The following CLUAP1 variants were observed in gnomAD, a reference collection of about 807,000 sequenced individuals.
The protein encoded by CLUAP1 is clusterin-associated protein 1.
In CLUAP1, 50 loss-of-function variants were observed where a neutral mutation model predicts 55.0. The ratio of observed to expected loss-of-function variants is 0.91; its 90% CI spans 0.72 to 1.15. CLUAP1 has a LOEUF of 1.15. CLUAP1 is among the 50% of genes most tolerant of loss of function. The pLI, the probability that CLUAP1 is intolerant of heterozygous loss-of-function variation, is 0.00. For missense variants in CLUAP1, 530 were observed against 507.6 expected (o/e 1.04, Z -0.42); for synonymous variants, 195 against 175.4 (o/e 1.11, Z -0.88).
intron 11 of CLUAP1, chr16:3,534,282 C>G (rs74866280): frequency 0.032 from 4,896 of 152,794 alleles, 245 homozygotes; most frequent in African/African-American, 0.11. Flanking sequence ...TCAGTGAAGG[C>G]CCCTGACGTG....
At chr16:3,532,656 C>T (rs948515832) in intron 10 of CLUAP1, 130 bp from the exon 11 acceptor site, 3 of 895,840 alleles carry the variant, frequency 3.3e-6, no homozygotes, top group Middle Eastern at 2.2e-4. Flanking sequence ...GGCCTCCTGT[C>T]TCAGCCTCCC....
upstream of CLUAP1, among the ~76,000 whole-genome samples, chr16:3,499,345 CAAA>C (rs376996575): frequency 2.0e-5 from 3 of 148,914 alleles, no homozygotes; most frequent in African/African-American, 7.4e-5. Flanking sequence ...GAGTCCATCT[CAAA>C]AAAAAAAGTT....
At chr16:3,509,703 C>A (rs938273962) in intron 4 of CLUAP1, among the ~76,000 whole-genome samples, 2 of 152,238 alleles carry the variant, frequency 1.3e-5, no homozygotes, top group Non-Finnish European at 2.9e-5. Context: ...GTACGTGAAA[C>A]CACAGTGCAC....
intron 7 of CLUAP1, among the ~76,000 whole-genome samples, chr16:3,521,852 C>T (rs563389886): frequency 1.3e-5 from 2 of 151,608 alleles, no homozygotes; most frequent in Admixed American, 1.3e-4. Flanking sequence ...CTCAGGGGTT[C>T]AAGACCAGCC....
At position 3,538,571 on chromosome 16, in the gene CLUAP1, C is replaced by G. The variant is rs1351098250; in HGVS notation, c.*2300C>G. On this transcript the variant is annotated 3_prime_UTR_variant, in exon 12 of 12. Coordinates refer to ENST00000576634, the MANE Select transcript of CLUAP1 (RefSeq NM_015041.3). The stretch of plus-strand genomic sequence containing the variant: ...TATTTTCCTTATGTGATGCTTTCTT[C>G]TAACACACTTTAACACAGAAGCCTA... 2 of 152,204 alleles carry G rather than the reference C, an allele frequency of 1.3e-5. No homozygotes were observed. Among genetic ancestry groups the G allele is most frequent in the Admixed American group, 6.5e-5 (1 of 15,282 alleles). The allele number at this position is 152,204 out of a possible 1,614,324, so 9.4% of individuals were successfully genotyped here.
chr16:3,499,982 T>C (rs570136999), upstream of CLUAP1, among the ~76,000 whole-genome samples: 8 of 152,372 alleles, frequency 5.3e-5, no homozygotes, highest in Admixed American at 1.3e-4. Context: ...CCCAAAGAAA[T>C]GCATCTGAAA....
upstream of CLUAP1, among the ~76,000 whole-genome samples, chr16:3,500,176 C>A (rs2037359897): frequency 6.6e-6 from 1 of 152,178 alleles, no homozygotes; most frequent in Non-Finnish European, 1.5e-5. Context: ...CCGGGACCCG[C>A]GCGGCGCGAG....
chr16:3,521,839 G>A (rs2037842483), intron 7 of CLUAP1, among the ~76,000 whole-genome samples: 2 of 151,860 alleles, frequency 1.3e-5, no homozygotes, highest in Non-Finnish European at 2.9e-5. Context: ...CAGATCGCTT[G>A]AACTCAGGGG....
intron 2 of CLUAP1, 125 bp from the exon 3 acceptor site, chr16:3,506,206 T>C: frequency 1.3e-6 from 1 of 745,450 alleles, no homozygotes; most frequent in East Asian, 2.6e-5. Context: ...TTGATCTCAC[T>C]CTCCCACTTG....
upstream of CLUAP1, chr16:3,496,437 A>C: frequency 2.0e-6 from 2 of 1,015,532 alleles, no homozygotes; most frequent in Non-Finnish European, 2.9e-6. Flanking sequence ...TGGGAAAACA[A>C]AACGGCCGTG....
chr16:3,534,224 G>C (rs1462037167), intron 11 of CLUAP1: 2 of 152,672 alleles, frequency 1.3e-5, no homozygotes, highest in African/African-American at 4.8e-5. Context: ...CAGCTTCAGG[G>C]GACAGGGAGT....
upstream of CLUAP1, among the ~76,000 whole-genome samples, chr16:3,499,651 A>G (rs1364807440): frequency 6.6e-6 from 1 of 152,154 alleles, no homozygotes; most frequent in East Asian, 1.9e-4. Context: ...GAGTGTTGAG[A>G]GTTCTTGATA....
Position 3,520,125 on chromosome 16 carries a change from C to T in CLUAP1, c.713+89C>T, listed in dbSNP as rs1007756664. 15 of 1,335,726 alleles carry T rather than the reference C, an allele frequency of 1.1e-5. No homozygotes were observed. In the African/African-American group the frequency reaches 2.1e-4, roughly 18 times the overall value. The allele number at this position is 1,335,726 out of a possible 1,614,324, so 82.7% of individuals were successfully genotyped here. Reference sequence around the variant, plus strand: ...TGGTGGCTCATGTCTGAAATCTCAGCTACTCATGAAGCTGGGGCGGGGGGT... The same window carrying T: ...TGGTGGCTCATGTCTGAAATCTCAGTTACTCATGAAGCTGGGGCGGGGGGT... On this transcript the variant is annotated intron_variant, in intron 7 of 11. Transcript: ENST00000576634.
chr16:3,517,843 A>G (rs2037758561), intron 6 of CLUAP1, among the ~76,000 whole-genome samples: 1 of 152,202 alleles, frequency 6.6e-6, no homozygotes, highest in Non-Finnish European at 1.5e-5. Context: ...ACCAGCCTGT[A>G]TGCTCCCAGA....
chr16:3,521,101 T>C (rs55813818), intron 7 of CLUAP1, among the ~76,000 whole-genome samples: 11,142 of 151,866 alleles, frequency 0.073, 515 homozygotes, highest in African/African-American at 0.12. Context: ...GGCTCCTCCC[T>C]GCCCAGCGCA....
At chr16:3,535,571 TTTTTTTTC>T (rs1567444834) in intron 11 of CLUAP1, 2 of 152,244 alleles carry the variant, frequency 1.3e-5, no homozygotes, top group Admixed American at 1.3e-4. Context: ...CCTTTTTTTC[TTTTTTTTC>T]TTTTTTTTTT....
chr16:3,520,918 C>T (rs1161144581), intron 7 of CLUAP1, among the ~76,000 whole-genome samples: 1 of 152,126 alleles, frequency 6.6e-6, no homozygotes, highest in Non-Finnish European at 1.5e-5. Flanking sequence ...TCTCCCTTTT[C>T]ATTCACCCTT....
chr16:3,501,259 C>G (rs140992309), intron 1 of CLUAP1, among the ~76,000 whole-genome samples, 170 bp downstream of exon 1: 97 of 152,372 alleles, frequency 6.4e-4, no homozygotes, highest in African/African-American at 2.1e-3. Context: ...GGCCGAGCGT[C>G]CCAGGCCCTT....
chr16:3,529,907 T>C (rs2038080504), intron 9 of CLUAP1, among the ~76,000 whole-genome samples: 1 of 114,574 alleles, frequency 8.7e-6, no homozygotes, highest in Non-Finnish European at 1.7e-5. Context: ...ATATATGTTA[T>C]ATAGTTATAT....
Sources: allele counts gnomAD v4.1 joint callset (sites outside exome capture counted in the v4.1 genomes callset), GRCh38; gene constraint gnomAD v4.1.1; transcripts MANE v1.5; gene names NCBI Gene and HGNC (gene_info 2026-07-23, HGNC 2026-07-21).